GABBR2: variants seen among roughly 807,000 people sequenced by gnomAD.
GABBR2 encodes G-protein coupled receptor 51.
A neutral mutation model predicts 105.6 loss-of-function variants in GABBR2; 23 were observed. The observed-to-expected ratio is 0.22, with a 90% CI of 0.16 to 0.31. The LOEUF (loss-of-function observed/expected upper bound fraction) is 0.31. Among genes scored for constraint, GABBR2 ranks in the 10% least tolerant of loss-of-function variants. The probability of loss-of-function intolerance (pLI) is 1.00; values close to 1 mark genes in which losing one functional copy is unlikely to be tolerated. For missense variants in GABBR2, 734 were observed against 1,245.5 expected (o/e 0.59, Z 6.18); for synonymous variants, 478 against 499.7 (o/e 0.96, Z 0.58).
chr9:98,570,575 A>G (rs773042377), intron 2 of GABBR2, among the ~76,000 whole-genome samples: 11 of 152,104 alleles, frequency 7.2e-5, no homozygotes, highest in Admixed American at 2.0e-4. Context: ...CATCTTCCCC[A>G]CCCAGCTCCA....
chr9:98,509,026 G>A (rs1588202718), intron 3 of GABBR2, among the ~76,000 whole-genome samples: 2 of 152,172 alleles, frequency 1.3e-5, no homozygotes, highest in East Asian at 1.9e-4. Context: ...CCCCAGTAGG[G>A]GCAGACTGAC....
At chr9:98,701,368 C>T (rs183759584) in intron 1 of GABBR2, among the ~76,000 whole-genome samples, 28 of 152,274 alleles carry the variant, frequency 1.8e-4, no homozygotes, top group East Asian at 1.5e-3. Flanking sequence ...ATTTCTGGGG[C>T]GCTCATATTG....
At chr9:98,391,601 A>G (rs1414874051) in intron 9 of GABBR2, among the ~76,000 whole-genome samples, 1 of 152,198 alleles carries the variant, frequency 6.6e-6, no homozygotes, top group Non-Finnish European at 1.5e-5. Flanking sequence ...AAGGATGAGT[A>G]GAGTAGTTGG....
rs2131445129 is a variant in GABBR2 at position 98,362,680 on chromosome 9, TGCAGGCTTCCCTCCTGCCGGCATG to T, written c.1893+11_1893+34del. The T allele has an allele frequency of 6.8e-7, 1 of 1,470,562 alleles. No individual in the cohort carries two copies. Among genetic ancestry groups the T allele is most frequent in the Middle Eastern group, 1.8e-4 (1 of 5,504 alleles). The allele number at this position is 1,470,562 out of a possible 1,614,324, so 91.1% of individuals were successfully genotyped here. A position where few individuals can be genotyped will look rare whatever the true frequency, so the allele number is the denominator to read the frequency against. On this transcript the variant is annotated intron_variant, in intron 13 of 18. Coordinates refer to ENST00000259455, the MANE Select transcript of GABBR2 (RefSeq NM_005458.8). ...GTCCTCATGTGCCAGGGGCTGCATC[TGCAGGCTTCCCTCCTGCCGGCATG>T]GAGGGCTTACCTCCATGCTGTACTT... is the stretch of plus-strand genomic sequence containing the variant.
intron 9 of GABBR2, among the ~76,000 whole-genome samples, chr9:98,389,337 G>A (rs1384035096): frequency 6.6e-6 from 1 of 152,178 alleles, no homozygotes; most frequent in Non-Finnish European, 1.5e-5. Flanking sequence ...GGAAGCACAG[G>A]GCTGGGTGAT....
intron 3 of GABBR2, among the ~76,000 whole-genome samples, chr9:98,513,626 C>T (rs1306916791): frequency 2.0e-5 from 3 of 151,322 alleles, no homozygotes; most frequent in African/African-American, 7.3e-5. Context: ...CAAAAGAAGA[C>T]ATTTATGCAG....
At chr9:98,314,696 G>T (rs944242102) in intron 13 of GABBR2, among the ~76,000 whole-genome samples, 1 of 152,080 alleles carries the variant, frequency 6.6e-6, no homozygotes, top group African/African-American at 2.4e-5. Flanking sequence ...CTCCCCTGGG[G>T]TTCCCCAGAA....
intron 1 of GABBR2, among the ~76,000 whole-genome samples, chr9:98,675,561 G>A (rs1830466545): frequency 6.6e-6 from 1 of 152,214 alleles, no homozygotes; most frequent in Non-Finnish European, 1.5e-5. Flanking sequence ...CACATTTGCA[G>A]CCTCAGATAA....
chr9:98,522,630 T>C (rs1309827516), intron 3 of GABBR2, among the ~76,000 whole-genome samples: 1 of 152,196 alleles, frequency 6.6e-6, no homozygotes, highest in East Asian at 1.9e-4. Flanking sequence ...CAGAGAGAAA[T>C]TGTGATTTAT....
At chr9:98,480,721 T>G (rs1826901767) in intron 5 of GABBR2, among the ~76,000 whole-genome samples, 2 of 152,028 alleles carry the variant, frequency 1.3e-5, no homozygotes, top group Admixed American at 1.3e-4. Flanking sequence ...TAGACTGAGG[T>G]CCCTGGTTCC....
chr9:98,647,311 C>T (rs1830038297), intron 1 of GABBR2, among the ~76,000 whole-genome samples: 1 of 152,218 alleles, frequency 6.6e-6, no homozygotes, highest in Non-Finnish European at 1.5e-5. Context: ...CCTGATCATG[C>T]CAGACCTGCA....
At chr9:98,639,358 A>G (rs1022949947) in intron 1 of GABBR2, among the ~76,000 whole-genome samples, 1 of 152,142 alleles carries the variant, frequency 6.6e-6, no homozygotes, top group Non-Finnish European at 1.5e-5. Context: ...ACCATCTGTC[A>G]CCACCTTGCA....
chr9:98,590,357 T>G (rs371996214), intron 1 of GABBR2, among the ~76,000 whole-genome samples: 20 of 152,358 alleles, frequency 1.3e-4, no homozygotes, highest in African/African-American at 4.8e-4. Flanking sequence ...GCTGTCACTC[T>G]GAATTCTTGG....
chr9:98,702,856 T>A (rs1830848607), intron 1 of GABBR2, among the ~76,000 whole-genome samples: 1 of 152,222 alleles, frequency 6.6e-6, no homozygotes, highest in South Asian at 2.1e-4. Context: ...CCTGCCTTTG[T>A]GGCTATTTGT....
chr9:98,582,893 T>A (rs530148461), intron 1 of GABBR2, among the ~76,000 whole-genome samples: 1 of 152,226 alleles, frequency 6.6e-6, no homozygotes, highest in Non-Finnish European at 1.5e-5. Context: ...ACTCTCATTT[T>A]CAGATGCAGA....
chr9:98,679,982 G>C (rs1022445867), intron 1 of GABBR2, among the ~76,000 whole-genome samples: 1 of 152,144 alleles, frequency 6.6e-6, no homozygotes, highest in African/African-American at 2.4e-5. Flanking sequence ...GTTTCCTTAT[G>C]AAGGCTCCTG....
At chr9:98,451,556 C>A (rs980514879) in intron 7 of GABBR2, among the ~76,000 whole-genome samples, 6 of 152,072 alleles carry the variant, frequency 3.9e-5, no homozygotes, top group Non-Finnish European at 7.3e-5. Flanking sequence ...GGTCTCAAAC[C>A]CTGGTGTGCA....
chr9:98,480,834 T>A (rs1826905567), intron 5 of GABBR2, 98 bp downstream of exon 5: 1 of 771,600 alleles, frequency 1.3e-6, no homozygotes, highest in Admixed American at 1.8e-5. Flanking sequence ...GCTCCAGTCC[T>A]GTGATCCCAC....
In GABBR2 at chr9:98,448,899, A is replaced by G. The variant is rs542831840; in HGVS notation, c.1236+5082T>C. ...TGGGAGGTCACCCTTGTTTTAAGAG[A>G]CTGGAAACTGGAAAGAGTTTAAAAA... On this transcript the variant is annotated intron_variant, in intron 7 of 18. Coordinates refer to ENST00000259455, the MANE Select transcript of GABBR2 (RefSeq NM_005458.8). Among the ~76,000 whole-genome samples, 146 of 147,880 alleles carry G rather than the reference A, an allele frequency of 9.9e-4. 1 individual carries two copies. Among genetic ancestry groups the G allele is most frequent in the Non-Finnish European group, 1.8e-3 (122 of 67,100 alleles).
Sources: allele counts gnomAD v4.1 joint callset (sites outside exome capture counted in the v4.1 genomes callset), GRCh38; gene constraint gnomAD v4.1.1; transcripts MANE v1.5; gene names NCBI Gene and HGNC (gene_info 2026-07-23, HGNC 2026-07-21).